The following PIK3AP1 variants were observed in gnomAD, a reference collection of about 807,000 sequenced individuals.
PIK3AP1 encodes the protein phosphoinositide-3-kinase adaptor protein 1, also known as phosphoinositide 3-kinase adapter protein 1.
In PIK3AP1, 21 loss-of-function variants were observed where a neutral mutation model predicts 88.1. The ratio of observed to expected loss-of-function variants is 0.24; its 90% confidence interval spans 0.17 to 0.34. PIK3AP1 has a LOEUF of 0.34. Among genes scored for constraint, PIK3AP1 ranks in the 10% least tolerant of loss-of-function variants. The pLI is 1.00. For synonymous variants in PIK3AP1, 398 were observed against 400.0 expected, an observed-to-expected ratio of 1.00 and a Z score of 0.06; for missense variants, 828 against 1,035.7, an observed-to-expected ratio of 0.80 and a Z score of 2.75.
chr10:96,634,559 A>G (rs528247094), intron 8 of PIK3AP1, among the ~76,000 whole-genome samples: 2 of 152,158 alleles, frequency 1.3e-5, no homozygotes, highest in African/African-American at 2.4e-5. Context: ...CTAAGTTTCT[A>G]TATCTCCATC....
At chr10:96,608,994 A>G (rs1849054988) in intron 14 of PIK3AP1, among the ~76,000 whole-genome samples, 1 of 152,226 alleles carries the variant, frequency 6.6e-6, no homozygotes, top group Admixed American at 6.5e-5. Context: ...GGATACGGGA[A>G]CAAAGCCCTC....
intron 2 of PIK3AP1, among the ~76,000 whole-genome samples, chr10:96,667,214 A>G (rs759185265): frequency 2.0e-5 from 3 of 152,152 alleles, no homozygotes; most frequent in Non-Finnish European, 4.4e-5. Flanking sequence ...CTTTCACACC[A>G]CAGTGCTCAC....
intron 16 of PIK3AP1, among the ~76,000 whole-genome samples, chr10:96,599,189 G>C (rs530288640): frequency 6.6e-6 from 1 of 152,140 alleles, no homozygotes; most frequent in Non-Finnish European, 1.5e-5. Flanking sequence ...AGCTGTGAGG[G>C]GGGCAGGGAT....
At chr10:96,646,258 TA>T (rs55906067) in intron 7 of PIK3AP1, among the ~76,000 whole-genome samples, 3,134 of 144,182 alleles carry the variant, frequency 0.022, 91 homozygotes, top group African/African-American at 0.063. Context: ...AGACTCTGTC[TA>T]AAAAAAAAAA....
chr10:96,686,606 C>G (rs1844071674), intron 2 of PIK3AP1, among the ~76,000 whole-genome samples: 1 of 152,120 alleles, frequency 6.6e-6, no homozygotes, highest in Non-Finnish European at 1.5e-5. Flanking sequence ...ACAGTATCCA[C>G]AAGAGCACCC....
At chr10:96,692,529 G>A (rs572654773) in intron 2 of PIK3AP1, among the ~76,000 whole-genome samples, 1 of 150,906 alleles carries the variant, frequency 6.6e-6, no homozygotes, top group East Asian at 2.0e-4. Context: ...AGCCGAGATC[G>A]CCACTGCACT....
At chr10:96,683,920 T>C (rs1408871344) in intron 2 of PIK3AP1, among the ~76,000 whole-genome samples, 1 of 152,242 alleles carries the variant, frequency 6.6e-6, no homozygotes. Context: ...CACATGGCTG[T>C]GCTACTCATT....
intron 2 of PIK3AP1, among the ~76,000 whole-genome samples, chr10:96,696,732 G>A (rs902172202): frequency 1.3e-5 from 2 of 152,058 alleles, no homozygotes; most frequent in African/African-American, 4.8e-5. Context: ...ACAGATAATG[G>A]TATAATGTGA....
In PIK3AP1 at chr10:96,709,609, G is replaced by C. The variant is rs746775982; in HGVS notation, c.388C>G (p.Pro130Ala). The C allele has an allele frequency of 6.2e-7, 1 of 1,613,978 alleles. No individual in the cohort carries two copies. The highest frequency in any genetic ancestry group is 8.5e-7 in the Non-Finnish European group (1 of 1,179,924). ...TTCACAGCTGCCACGTAGGTCTCTG[G>C]CTCATCGTCACAGGTGAGCTCCTGC... is the stretch of plus-strand genomic sequence containing the variant. ...HWQELTCDDEPETYVAAVKKA... is the reference protein window; with the variant it reads ...HWQELTCDDEAETYVAAVKKA... Residue 130 changes from proline (P) to alanine (A), a missense_variant, in exon 2 of 17, where the codon CCA (proline) becomes GCA (alanine). Pro to Ala is a conservative substitution (Grantham distance 27). This residue lies in a region of PIK3AP1 where 610 missense variants were observed against 760.1 expected (regional missense o/e 0.80). Transcript: ENST00000339364.
At position 96,597,366 on chromosome 10, in the gene PIK3AP1, CTCTCTCTCTCTTTCTTTCTT is replaced by C. The variant is rs1210386182; in HGVS notation, c.2361-1752_2361-1733del. Among the ~76,000 whole-genome samples the C allele has an allele frequency of 1.8e-5, 2 of 112,642 alleles. 1 individual carries two copies. The highest frequency in any genetic ancestry group is 3.5e-5 in the Non-Finnish European group (2 of 57,590). The allele number at this position is 112,642 out of a possible 152,430, so 73.9% of individuals were successfully genotyped here. A position where few individuals can be genotyped will look rare whatever the true frequency, so the allele number is the denominator to read the frequency against. On this transcript the variant is annotated intron_variant, in intron 16 of 16. Coordinates refer to ENST00000339364, the MANE Select transcript of PIK3AP1 (RefSeq NM_152309.3). ...TCCCTCCCTCCCTCCCTCTCTCTCTCTCTCTCTCTCTTTCTTTCTTTCTTTCTTTCAACAAACACTAATTT... is the reference window on the plus strand; with the variant it reads ...TCCCTCCCTCCCTCCCTCTCTCTCTCTCTTTCTTTCAACAAACACTAATTT...
chr10:96,647,458 A>T lies in PIK3AP1; in HGVS notation c.1185+1201T>A, dbSNP rs181388943. Among the ~76,000 whole-genome samples, 504 of 152,364 alleles carry T rather than the reference A, an allele frequency of 3.3e-3. 2 individuals are homozygous for T. The highest frequency in any genetic ancestry group is 0.015 in the East Asian group (76 of 5,188). ...GTTACTACTATGAACACAGTAGGTT[A>T]TTAATAAAAACTATTGGCATGGAAA... is the stretch of plus-strand genomic sequence containing the variant. On this transcript the variant is annotated intron_variant, in intron 7 of 16. Transcript: ENST00000339364.
intron 1 of PIK3AP1, among the ~76,000 whole-genome samples, chr10:96,714,018 A>G (rs1792337207): frequency 6.6e-6 from 1 of 152,172 alleles, no homozygotes; most frequent in Non-Finnish European, 1.5e-5. Flanking sequence ...TACTAAAAAT[A>G]CAAAAATTAG....
rs1843158731 is a variant in PIK3AP1, at chr10:96,626,740, T to C, written c.1637A>G (p.Gln546Arg). The C allele has an allele frequency of 6.2e-7, 1 of 1,614,108 alleles. No homozygotes were observed. Among genetic ancestry groups the C allele is most frequent in the Admixed American group, 1.7e-5 (1 of 60,006 alleles). The part of the protein sequence containing the change: ...RPETTAPGAH[Q>R]LPDNEPYIFK... ...AATGTATGGTTCGTTGTCAGGCAGC[T>C]GGTGAGCACCAGGAGCAGTGGTCTC... The change falls in exon 10 of 17, where the codon CAG becomes CGG. Residue 546 changes from glutamine to arginine, a missense_variant. Transcript: ENST00000339364.
At chr10:96,703,643 T>TG (rs754896015) in intron 2 of PIK3AP1, among the ~76,000 whole-genome samples, 1 of 152,238 alleles carries the variant, frequency 6.6e-6, no homozygotes, top group African/African-American at 2.4e-5. Context: ...GTGCTGTACC[T>TG]GGGGTTTTCT....
chr10:96,630,271 G>A (rs921634793), intron 8 of PIK3AP1, among the ~76,000 whole-genome samples: 16 of 152,048 alleles, frequency 1.1e-4, no homozygotes, highest in Non-Finnish European at 2.4e-4. Context: ...TCCAGTTCAG[G>A]GCACTACGAT....
intron 2 of PIK3AP1, among the ~76,000 whole-genome samples, chr10:96,693,574 C>T (rs558216757): frequency 4.6e-5 from 7 of 152,238 alleles, no homozygotes; most frequent in African/African-American, 1.4e-4. Context: ...TCTCTGATGC[C>T]AATACTTCTG....
At chr10:96,656,684 C>A in intron 3 of PIK3AP1, 114 bp downstream of exon 3, 1 of 1,420,662 alleles carries the variant, frequency 7.0e-7, no homozygotes, top group South Asian at 1.3e-5. Flanking sequence ...CAAAGGAAGG[C>A]TGCAATTATA....
intron 2 of PIK3AP1, among the ~76,000 whole-genome samples, chr10:96,668,309 T>C (rs1197709468): frequency 1.3e-5 from 2 of 152,194 alleles, no homozygotes; most frequent in Non-Finnish European, 2.9e-5. Context: ...AGTAGCACTA[T>C]GGTACAAACA....
chr10:96,671,000 G>A (rs963119131), intron 2 of PIK3AP1, among the ~76,000 whole-genome samples: 38 of 152,162 alleles, frequency 2.5e-4, no homozygotes, highest in African/African-American at 8.2e-4. Context: ...TGTCTGAAAA[G>A]GTACCACAAG....
Sources: allele counts gnomAD v4.1 joint callset (sites outside exome capture counted in the v4.1 genomes callset), GRCh38; gene constraint gnomAD v4.1.1; regional missense constraint gnomAD v4.1.1; transcripts MANE v1.5; gene names NCBI Gene and HGNC (gene_info 2026-07-23, HGNC 2026-07-21).